The following KLHDC4 variants were observed in gnomAD, a reference collection of about 807,000 sequenced individuals.
KLHDC4 encodes the protein kelch domain containing 4.
In KLHDC4, 90 loss-of-function variants were observed where a neutral mutation model predicts 62.4. That is an observed-to-expected ratio of 1.44 (90% confidence interval 1.22 to 1.72). KLHDC4 has a LOEUF of 1.72. KLHDC4 is among the 40% of genes most tolerant of loss of function. KLHDC4 has a pLI of 0.00. For synonymous variants in KLHDC4, 386 were observed against 284.4 expected, an observed-to-expected ratio of 1.36 and a Z score of -3.59; for missense variants, 1,025 against 699.7, an observed-to-expected ratio of 1.47 and a Z score of -5.25.
chr16:87,705,470 T>C (rs974031553), downstream of KLHDC4, among the ~76,000 whole-genome samples: 39 of 152,268 alleles, frequency 2.6e-4, no homozygotes, highest in African/African-American at 9.4e-4. Flanking sequence ...CTGATCAGCA[T>C]CTTTCATTCA....
intron 7 of KLHDC4, among the ~76,000 whole-genome samples, chr16:87,715,129 T>C (rs1008887216): frequency 5.9e-5 from 9 of 152,166 alleles, no homozygotes; most frequent in African/African-American, 2.2e-4. Flanking sequence ...ACCCATGCCC[T>C]ACAAGTCCTG....
chr16:87,751,673 CTGTGGGAGGCTCA>C (rs2043966925), intron 4 of KLHDC4, among the ~76,000 whole-genome samples: 1 of 152,126 alleles, frequency 6.6e-6, no homozygotes, highest in Non-Finnish European at 1.5e-5. Context: ...AACCCCAACA[CTGTGGGAGGCTCA>C]TGTGGGAGGA....
intron 7 of KLHDC4, among the ~76,000 whole-genome samples, chr16:87,720,362 G>A (rs1009027225): frequency 1.3e-5 from 2 of 152,154 alleles, no homozygotes. Flanking sequence ...AGAAACCATG[G>A]GGGCCGCTCC....
chr16:87,730,346 T>C (rs1197325066), intron 6 of KLHDC4, among the ~76,000 whole-genome samples: 1 of 152,232 alleles, frequency 6.6e-6, no homozygotes, highest in Non-Finnish European at 1.5e-5. Context: ...TGGTTAAGAA[T>C]TTCAATAGGA....
At chr16:87,742,944 G>T (rs17699720) in intron 5 of KLHDC4, 11 of 152,262 alleles carry the variant, frequency 7.2e-5, no homozygotes, top group South Asian at 2.1e-4. Flanking sequence ...ATGAAGTGAC[G>T]ACGAGCACGG....
chr16:87,727,000 A>T, intron 6 of KLHDC4, 76 bp from the exon 7 acceptor site: 1 of 1,490,168 alleles, frequency 6.7e-7, no homozygotes, highest in Non-Finnish European at 9.3e-7. Flanking sequence ...AACTGATTTA[A>T]ATTAAAGGTA....
intron 7 of KLHDC4, among the ~76,000 whole-genome samples, chr16:87,718,995 C>T (rs1289728683): frequency 6.6e-6 from 1 of 151,890 alleles, no homozygotes; most frequent in Non-Finnish European, 1.5e-5. Flanking sequence ...CCGGCAGCCG[C>T]CCCCTCCGGG....
chr16:87,749,678 G>C (rs9927303), intron 4 of KLHDC4, among the ~76,000 whole-genome samples: 21,150 of 152,092 alleles, frequency 0.14, 1,810 homozygotes, highest in African/African-American at 0.24. Flanking sequence ...CGACCTCATG[G>C]TTTCAAGTGA....
rs750137872 is a variant in KLHDC4, at chr16:87,756,400, T to C, written c.269A>G (p.Lys90Arg). The change falls in exon 3 of 12, where the codon AAA becomes AGA. Residue 90 changes from lysine to arginine, a missense_variant and splice_region_variant. By Grantham distance (26) the Lys-to-Arg change is conservative. Coordinates refer to ENST00000270583, the MANE Select transcript of KLHDC4 (RefSeq NM_017566.4). ...AAAAGAAAAAAATATATACTTTACTTTTTGGCCGTTGAAATATTCACCTCC... is the reference window on the plus strand; with the variant it reads ...AAAAGAAAAAAATATATACTTTACTCTTTGGCCGTTGAAATATTCACCTCC... Reference protein sequence around the residue: ...LFGGEYFNGQKTFLYNELYVY... With the variant: ...LFGGEYFNGQRTFLYNELYVY... The C allele has an allele frequency of 6.2e-6, 10 of 1,608,414 alleles. No individual in the cohort carries two copies. In the Admixed American group the frequency reaches 1.3e-4, roughly 21 times the overall value.
At chr16:87,702,573 C>T (rs2142879405) in exon 1 of KLHDC4, 1 of 341,904 alleles carries the variant, frequency 2.9e-6, no homozygotes, top group South Asian at 2.3e-5. Context: ...ACCTCTCTAG[C>T]AGGACTCTGC....
intron 8 of KLHDC4, among the ~76,000 whole-genome samples, chr16:87,713,313 C>T (rs2036263937): frequency 1.3e-5 from 2 of 152,090 alleles, no homozygotes; most frequent in Admixed American, 6.5e-5. Context: ...CATTCTCCTG[C>T]CTCAGCCTCC....
intron 6 of KLHDC4, among the ~76,000 whole-genome samples, chr16:87,728,275 T>A (rs76999194): frequency 2.0e-5 from 3 of 152,178 alleles, no homozygotes; most frequent in Non-Finnish European, 4.4e-5. Flanking sequence ...TTAATATAGA[T>A]AGAATCTGAG....
intron 5 of KLHDC4, among the ~76,000 whole-genome samples, chr16:87,734,814 C>T (rs1373350850): frequency 6.6e-6 from 1 of 152,128 alleles, no homozygotes; most frequent in Admixed American, 6.5e-5. Flanking sequence ...CCCCTCCGGG[C>T]TTGGCACCGC....
intron 9 of KLHDC4, 190 bp downstream of exon 9, chr16:87,711,044 AG>A (rs1223804480): frequency 1.7e-6 from 1 of 604,498 alleles, no homozygotes; most frequent in East Asian, 2.8e-5. Flanking sequence ...GGACAGACTA[AG>A]GGGACCGTGA....
intron 7 of KLHDC4, among the ~76,000 whole-genome samples, chr16:87,719,824 G>C (rs1025455789): frequency 3.3e-5 from 5 of 152,188 alleles, no homozygotes; most frequent in African/African-American, 7.2e-5. Flanking sequence ...GAGGGTGAGC[G>C]CAACAGGGCT....
Position 87,742,941 on chromosome 16 carries a change from G to C in KLHDC4, c.506+5732C>G, listed in dbSNP as rs968051215. On this transcript the variant is annotated intron_variant, in intron 5 of 11. Transcript: ENST00000270583. ...CCAGTGTCTGCCACAGGTATGAAGT[G>C]ACGACGAGCACGGAGAACACTTGAG... 10 of 152,406 alleles carry C rather than the reference G, an allele frequency of 6.6e-5. No homozygotes were observed. The East Asian group carries it at 1.9e-3, about 29-fold the overall frequency. 9.4% of individuals were successfully genotyped at this position (152,406 alleles called of 1,614,324 possible). A position where few individuals can be genotyped will look rare whatever the true frequency, so the allele number is the denominator to read the frequency against.
chr16:87,706,815 G>T (rs1567639129), downstream of KLHDC4, among the ~76,000 whole-genome samples: 1 of 152,204 alleles, frequency 6.6e-6, no homozygotes, highest in Non-Finnish European at 1.5e-5. Flanking sequence ...ATCGCCCCAA[G>T]GTGACCTGGG....
chr16:87,718,434 G>A (rs983322957), intron 7 of KLHDC4, among the ~76,000 whole-genome samples: 2 of 149,822 alleles, frequency 1.3e-5, no homozygotes, highest in Admixed American at 1.3e-4. Context: ...AGGCTGGACT[G>A]TACTGCCGCC....
chr16:87,747,432 G>C (rs2043203450), intron 5 of KLHDC4: 1 of 152,218 alleles, frequency 6.6e-6, no homozygotes, highest in South Asian at 2.1e-4. Context: ...TGAGCTTCAA[G>C]ATATACACAA....
Sources: allele counts gnomAD v4.1 joint callset (sites outside exome capture counted in the v4.1 genomes callset), GRCh38; gene constraint gnomAD v4.1.1; transcripts MANE v1.5; gene names NCBI Gene and HGNC (gene_info 2026-07-23, HGNC 2026-07-21).